BTD: variants seen among roughly 807,000 people sequenced by gnomAD.
BTD encodes the protein biotinidase.
BTD carries 13 observed loss-of-function variants against 17.7 expected under a neutral mutation model. The observed-to-expected ratio is 0.74, with a 90% CI of 0.48 to 1.17. BTD has a LOEUF of 1.17. BTD is among the 50% of genes most tolerant of loss of function. The probability of loss-of-function intolerance (pLI) is 0.00; values close to 1 mark genes in which losing one functional copy is unlikely to be tolerated. For missense variants in BTD, 674 were observed against 650.4 expected (o/e 1.04, Z -0.39); for synonymous variants, 240 against 245.2 (o/e 0.98, Z 0.20).
chr3:15,706,619 T>C (rs976740088), intron 3 of BTD, among the ~76,000 whole-genome samples: 1 of 152,174 alleles, frequency 6.6e-6, no homozygotes, highest in Non-Finnish European at 1.5e-5. Flanking sequence ...ATGGGATGGC[T>C]GGGTCAAATG....
At chr3:15,703,930 G>C (rs2070985732) in intron 3 of BTD, among the ~76,000 whole-genome samples, 1 of 152,116 alleles carries the variant, frequency 6.6e-6, no homozygotes, top group Non-Finnish European at 1.5e-5. Context: ...CATACACACA[G>C]AGCAATATAA....
downstream of BTD, among the ~76,000 whole-genome samples, chr3:15,714,377 T>TA (rs2072721040): frequency 1.3e-5 from 2 of 151,814 alleles, no homozygotes; most frequent in Non-Finnish European, 2.9e-5. Context: ...AAACAAAACA[T>TA]AAAAAACAAA....
intron 3 of BTD, among the ~76,000 whole-genome samples, chr3:15,696,497 T>C (rs2069582524): frequency 6.6e-6 from 1 of 152,146 alleles, no homozygotes; most frequent in Admixed American, 6.6e-5. Context: ...AGCTTTTTTT[T>C]TCATATGTGA....
At chr3:15,696,162 G>A (rs200285106) in intron 3 of BTD, 52 of 1,589,948 alleles carry the variant, frequency 3.3e-5, no homozygotes, top group Middle Eastern at 1.7e-4. Flanking sequence ...GTGACCATAA[G>A]CAGCTGAATA....
chr3:15,683,669 A>G (rs533948269), intron 3 of BTD: 1 of 152,334 alleles, frequency 6.6e-6, no homozygotes, highest in African/African-American at 2.4e-5. Flanking sequence ...AAATGTTCTA[A>G]CGGCAAAAGA....
At position 15,680,216 on chromosome 3, in the gene BTD, A is replaced by ATTC; in HGVS notation, c.400-29842_400-29841insCTT. ...ATAGCATATATGAAATATTATTATTATTATTTTAGATGGAGTCTCACTCTG... is the reference window on the plus strand; with the variant it reads ...ATAGCATATATGAAATATTATTATTATTCTTATTTTAGATGGAGTCTCACTCTG... On this transcript the variant is annotated intron_variant, in intron 3 of 3. Transcript: ENST00000672141. Among the ~76,000 whole-genome samples, 2 of 151,554 alleles carry ATTC rather than the reference A, an allele frequency of 1.3e-5. 1 individual carries two copies. The highest frequency in any genetic ancestry group is 6.8e-3 in the Middle Eastern group (2 of 292).
chr3:15,688,999 A>C (rs908914453), intron 3 of BTD, among the ~76,000 whole-genome samples: 2 of 152,252 alleles, frequency 1.3e-5, no homozygotes, highest in Non-Finnish European at 2.9e-5. Context: ...TTTTGTTGAT[A>C]AAGTGTTTCA....
At chr3:15,622,744 A>T (rs1269652279) in intron 1 of BTD, among the ~76,000 whole-genome samples, 2 of 22 alleles carry the variant, frequency 0.091, no homozygotes, top group Non-Finnish European at 0.2. Context: ...TTGTTGGCAC[A>T]ATGCACATTA....
rs2069006453 is a variant in BTD, at chr3:15,693,046, T to C, written c.400-17014T>C. On this transcript the variant is annotated intron_variant, in intron 3 of 3. Coordinates refer to the BTD transcript ENST00000672141. ...ATTCCACTTAAATGAGGTGTCTAGA[T>C]TAGTCAAATTCATAGGAACAGAAGG... Among the ~76,000 whole-genome samples the C allele has an allele frequency of 2.6e-5, 4 of 152,186 alleles. No individual in the cohort carries two copies. The South Asian group carries it at 8.3e-4, about 32-fold the overall frequency.
At chr3:15,640,606 G>A (rs564755701) in intron 2 of BTD, among the ~76,000 whole-genome samples, 17 of 152,186 alleles carry the variant, frequency 1.1e-4, no homozygotes, top group African/African-American at 4.1e-4. Flanking sequence ...GGGCAGGCTG[G>A]TCTTGAACTC....
chr3:15,611,921 T>A (rs947370391), intron 1 of BTD, among the ~76,000 whole-genome samples: 3 of 152,162 alleles, frequency 2.0e-5, no homozygotes, highest in Admixed American at 6.5e-5. Flanking sequence ...TCTCTTTGTT[T>A]TGTATATTTG....
intron 3 of BTD, among the ~76,000 whole-genome samples, chr3:15,674,132 A>G (rs1321009702): frequency 1.5e-5 from 2 of 132,180 alleles, no homozygotes; most frequent in African/African-American, 5.8e-5. Flanking sequence ...TGATCTCACC[A>G]CTGTACTCTA....
chr3:15,608,503 C>T (rs994913985), intron 1 of BTD, among the ~76,000 whole-genome samples: 2 of 152,162 alleles, frequency 1.3e-5, no homozygotes, highest in Admixed American at 6.5e-5. Context: ...TGCGGTGGCT[C>T]ACACCTGTAA....
chr3:15,695,934 T>C (rs2069480674), intron 3 of BTD, among the ~76,000 whole-genome samples: 2 of 152,066 alleles, frequency 1.3e-5, no homozygotes, highest in African/African-American at 2.4e-5. Context: ...TCTTCAGAGA[T>C]CTAATTTTCT....
chr3:15,714,765 G>T, downstream of BTD: 1 of 748,296 alleles, frequency 1.3e-6, no homozygotes, highest in Non-Finnish European at 2.0e-6. Flanking sequence ...TATTTTACAT[G>T]AATTAAGTTT....
intron 2 of BTD, among the ~76,000 whole-genome samples, chr3:15,640,847 G>GT (rs1479359212): frequency 4.6e-5 from 5 of 107,736 alleles, no homozygotes; most frequent in African/African-American, 1.2e-4. Flanking sequence ...AATTATGATT[G>GT]TTTTTTCCCG....
chr3:15,654,895 C>T (rs1305114089), downstream of BTD, among the ~76,000 whole-genome samples: 1 of 152,160 alleles, frequency 6.6e-6, no homozygotes, highest in Non-Finnish European at 1.5e-5. Flanking sequence ...CCACCATACC[C>T]GGCTAATTTT....
At chr3:15,656,305 C>T (rs2062822), downstream of BTD, among the ~76,000 whole-genome samples, 5,573 of 152,184 alleles carry the variant, frequency 0.037, 157 homozygotes, top group Non-Finnish European at 0.052. Flanking sequence ...TTACCTGCAC[C>T]CATTGTTCCC....
chr3:15,675,099 G>A (rs1051069306), intron 3 of BTD, among the ~76,000 whole-genome samples: 6 of 152,050 alleles, frequency 3.9e-5, no homozygotes, highest in Non-Finnish European at 7.4e-5. Context: ...GTGAAACTCC[G>A]TCTCTACTAA....
Sources: allele counts gnomAD v4.1 joint callset (sites outside exome capture counted in the v4.1 genomes callset), GRCh38; gene constraint gnomAD v4.1.1; transcripts MANE v1.5; gene names NCBI Gene and HGNC (gene_info 2026-07-23, HGNC 2026-07-21).